Variants in IL1RAPL2 observed in about 807,000 individuals in gnomAD.
IL1RAPL2 encodes the protein X-linked interleukin-1 receptor accessory protein-like 2.
IL1RAPL2 carries 3 observed loss-of-function variants against 44.1 expected under a neutral mutation model. That is an observed-to-expected ratio of 0.07 (90% CI 0.03 to 0.18). The LOEUF is 0.18. IL1RAPL2 is among the 10% of genes least tolerant of loss of function. IL1RAPL2 has a pLI of 1.00. For missense variants in IL1RAPL2, 391 were observed against 496.4 expected (o/e 0.79, Z 2.02); for synonymous variants, 181 against 178.8 (o/e 1.01, Z -0.10).
intron 2 of IL1RAPL2, among the ~76,000 whole-genome samples, chrX:104,762,203 T>C (rs1932472809): frequency 9.1e-6 from 1 of 110,050 alleles, no homozygotes; most frequent in African/African-American, 3.3e-5. Context: ...TTTGCTGTGT[T>C]GGCCAGGCTG....
At position 104,883,688 on chromosome X, in the gene IL1RAPL2, T is replaced by A. The variant is rs1275501977; in HGVS notation, c.82+224693T>A. ...TCTCCTATAAGAATGATTTCTAGTG[T>A]AAACTCCAGGACTCTGTTACCTTCT... On this transcript the variant is annotated intron_variant, in intron 2 of 10. Transcript: ENST00000372582. 5.4e-5 allele frequency among the ~76,000 whole-genome samples: 6 copies of A among 111,160 alleles called. No individual in the cohort carries two copies. In the East Asian group the frequency reaches 1.7e-3, roughly 31 times the overall value.
chrX:105,716,357 TA>T (rs1303068144), intron 6 of IL1RAPL2, among the ~76,000 whole-genome samples: 1 of 111,805 alleles, frequency 8.9e-6, no homozygotes, highest in Non-Finnish European at 1.9e-5. Flanking sequence ...AATGGGAGAG[TA>T]AAAACATTCC....
intron 2 of IL1RAPL2, among the ~76,000 whole-genome samples, chrX:105,070,426 T>C (rs1053419016): frequency 8.9e-6 from 1 of 111,847 alleles, no homozygotes; most frequent in Non-Finnish European, 1.9e-5. Context: ...AAAGAGTATG[T>C]TCACCTTTTA....
At chrX:105,726,988 G>T (rs754894648) in intron 7 of IL1RAPL2, among the ~76,000 whole-genome samples, 2 of 110,459 alleles carry the variant, frequency 1.8e-5, no homozygotes, top group South Asian at 3.9e-4. Context: ...TTAATGGGGA[G>T]GGGGGAGCAA....
At chrX:104,980,635 T>C (rs2147726007) in intron 2 of IL1RAPL2, among the ~76,000 whole-genome samples, 1 of 112,451 alleles carries the variant, frequency 8.9e-6, no homozygotes, top group African/African-American at 3.2e-5. Flanking sequence ...TCTGGCATTT[T>C]ATCTAGATTT....
intron 2 of IL1RAPL2, among the ~76,000 whole-genome samples, chrX:104,894,329 C>T (rs1209684762): frequency 9.0e-6 from 1 of 111,581 alleles, no homozygotes; most frequent in African/African-American, 3.3e-5. Context: ...GAATGTTGGC[C>T]TGCCTTGCTA....
intron 2 of IL1RAPL2, among the ~76,000 whole-genome samples, chrX:105,187,318 GT>G (rs1403397263): frequency 9.0e-6 from 1 of 111,371 alleles, no homozygotes; most frequent in African/African-American, 3.3e-5. Context: ...TTTGCATTCT[GT>G]TTTTTATTTG....
intron 3 of IL1RAPL2, among the ~76,000 whole-genome samples, chrX:105,196,141 G>C (rs2033670687): frequency 9.1e-6 from 1 of 110,349 alleles, no homozygotes; most frequent in Non-Finnish European, 1.9e-5. Context: ...AATTAGCCAG[G>C]CATGGTGGCA....
chrX:104,994,660 C>T (rs2030718123), intron 2 of IL1RAPL2, among the ~76,000 whole-genome samples: 1 of 111,054 alleles, frequency 9.0e-6, no homozygotes, highest in Non-Finnish European at 1.9e-5. Flanking sequence ...AGGGTATCTA[C>T]TCTGAGGAGG....
chrX:104,943,269 G>A (rs1569347516), intron 2 of IL1RAPL2, among the ~76,000 whole-genome samples: 2 of 110,917 alleles, frequency 1.8e-5, no homozygotes, highest in Non-Finnish European at 3.8e-5. Context: ...ATGGTTTTAA[G>A]CATGTTTATG....
At chrX:104,750,788 T>A (rs1455292870) in intron 2 of IL1RAPL2, among the ~76,000 whole-genome samples, 1 of 111,403 alleles carries the variant, frequency 9.0e-6, no homozygotes, top group Non-Finnish European at 1.9e-5. Flanking sequence ...CTTGCTATTG[T>A]TGTGGTATTG....
At chrX:105,757,990 T>G (rs1361312163) in intron 10 of IL1RAPL2, among the ~76,000 whole-genome samples, 2 of 111,409 alleles carry the variant, frequency 1.8e-5, no homozygotes, top group Admixed American at 1.9e-4. Context: ...GGTGTATATG[T>G]GCTATTAAAG....
At chrX:104,879,978 G>A (rs1923019359) in intron 2 of IL1RAPL2, among the ~76,000 whole-genome samples, 1 of 111,406 alleles carries the variant, frequency 9.0e-6, no homozygotes, top group African/African-American at 3.3e-5. Flanking sequence ...AGGGTAATGT[G>A]AAAAGTGGGG....
chrX:104,813,660 C>T (rs1041938373), intron 2 of IL1RAPL2, among the ~76,000 whole-genome samples: 4 of 111,297 alleles, frequency 3.6e-5, no homozygotes, highest in African/African-American at 1.3e-4. Context: ...CAGTCCTTTC[C>T]TTAGGATAGC....
intron 2 of IL1RAPL2, among the ~76,000 whole-genome samples, chrX:105,051,289 T>TG (rs1239969118): frequency 1.9e-5 from 1 of 51,504 alleles, no homozygotes; most frequent in Non-Finnish European, 3.5e-5. Flanking sequence ...CTGCAGGGAC[T>TG]GGGGGGTCAT....
At chrX:104,910,354 C>T (rs1924195801) in intron 2 of IL1RAPL2, among the ~76,000 whole-genome samples, 1 of 112,329 alleles carries the variant, frequency 8.9e-6, no homozygotes, top group Non-Finnish European at 1.9e-5. Flanking sequence ...GGAGCTGTTC[C>T]TATTCGTCCA....
intron 2 of IL1RAPL2, among the ~76,000 whole-genome samples, chrX:104,874,279 C>CCTCTCTCTCTCTCTCTCTCTCTCTCTCT (rs59789265): frequency 1.3e-5 from 1 of 76,321 alleles, no homozygotes; most frequent in African/African-American, 5.1e-5. Flanking sequence ...TGTCTGTATT[C>CCTCTCTCTCTCTCTCTCTCTCTCTCTCT]CTCTCTCTCT....
intron 6 of IL1RAPL2, among the ~76,000 whole-genome samples, chrX:105,709,712 C>A (rs981296938): frequency 9.0e-6 from 1 of 111,354 alleles, no homozygotes; most frequent in Non-Finnish European, 1.9e-5. Flanking sequence ...CATTTGGTAC[C>A]CTTAAATGTG....
chrX:105,651,403 A>G (rs1270479429), intron 6 of IL1RAPL2, among the ~76,000 whole-genome samples: 1 of 111,770 alleles, frequency 8.9e-6, no homozygotes, highest in Non-Finnish European at 1.9e-5. Context: ...AGATTATACA[A>G]TTACCTCTGG....
Sources: gnomAD v4.1 joint callset for allele counts (sites outside exome capture counted in the v4.1 genomes callset) on GRCh38, gnomAD v4.1.1 for gene constraint, MANE v1.5 for transcripts, NCBI Gene and HGNC (gene_info 2026-07-23, HGNC 2026-07-21) for gene names.